RNF220: variants seen among roughly 807,000 people sequenced by gnomAD.
RNF220 encodes E3 ubiquitin-protein ligase RNF220.
In RNF220, 7 loss-of-function variants were observed where a neutral mutation model predicts 67.1. That is an observed-to-expected ratio of 0.10 (90% CI 0.06 to 0.20). The LOEUF (loss-of-function observed/expected upper bound fraction) is 0.20. RNF220 is among the 10% of genes least tolerant of loss of function. The pLI is 1.00. For missense variants in RNF220, 565 were observed against 740.3 expected, an observed-to-expected ratio of 0.76 and a Z score of 2.75; for synonymous variants, 270 against 283.2, an observed-to-expected ratio of 0.95 and a Z score of 0.47.
intron 2 of RNF220, among the ~76,000 whole-genome samples, chr1:44,558,275 A>G (rs1167476892): frequency 5.3e-5 from 8 of 152,198 alleles, no homozygotes; most frequent in Non-Finnish European, 1.0e-4. Context: ...GAGAATAGAG[A>G]ATAACATCTA....
chr1:44,620,912 C>CT (rs71036690), intron 3 of RNF220, among the ~76,000 whole-genome samples: 3,694 of 126,292 alleles, frequency 0.029, 167 homozygotes, highest in African/African-American at 0.085. Flanking sequence ...TGTTGTGAAT[C>CT]TTTTTTTTTT....
rs186489033 is a variant in RNF220 at position 44,414,209 on chromosome 1, G to A, written c.625+1487G>A. On this transcript the variant is annotated intron_variant, in intron 2 of 14. Transcript: ENST00000361799. ...TGGATATACCTGCTGAACAGGTATC[G>A]GCATTGTGTTGGTTCATTTGATTTT... Among the ~76,000 whole-genome samples, 38 of 152,262 alleles carry A rather than the reference G, an allele frequency of 2.5e-4. No individual in the cohort carries two copies. In the East Asian group the frequency reaches 5.8e-3, roughly 23 times the overall value.
intron 1 of RNF220, among the ~76,000 whole-genome samples, chr1:44,406,261 C>A (rs1445311993): frequency 6.6e-6 from 1 of 152,102 alleles, no homozygotes; most frequent in Admixed American, 6.5e-5. Context: ...ATGGATGGAT[C>A]CTCTGCGGGC....
intron 8 of RNF220, among the ~76,000 whole-genome samples, chr1:44,641,502 C>A (rs1006377264): frequency 1.3e-5 from 2 of 152,108 alleles, no homozygotes; most frequent in Admixed American, 6.5e-5. Flanking sequence ...GCCATCTTGC[C>A]TCTGAGTACT....
chr1:44,566,316 G>C (rs1283240208), intron 2 of RNF220, among the ~76,000 whole-genome samples: 1 of 152,200 alleles, frequency 6.6e-6, no homozygotes, highest in Non-Finnish European at 1.5e-5. Flanking sequence ...CAACAAGGAA[G>C]GGGGCTGAGG....
At chr1:44,469,662 T>TG (rs755821963) in intron 2 of RNF220, among the ~76,000 whole-genome samples, 2 of 152,182 alleles carry the variant, frequency 1.3e-5, no homozygotes. Flanking sequence ...AATGTAACAT[T>TG]GCAACTGTAG....
At chr1:44,566,566 T>C (rs905150634) in intron 2 of RNF220, among the ~76,000 whole-genome samples, 11 of 152,060 alleles carry the variant, frequency 7.2e-5, no homozygotes, top group Non-Finnish European at 1.6e-4. Context: ...AGAAATGACC[T>C]AGGATTGAAA....
At chr1:44,410,449 A>T (rs543748030) in intron 1 of RNF220, 1 of 152,346 alleles carries the variant, frequency 6.6e-6, no homozygotes, top group Admixed American at 6.5e-5. Context: ...AAGAGAGAAA[A>T]ATCCGTTAAT....
At chr1:44,580,822 C>T (rs1461903283) in intron 2 of RNF220, among the ~76,000 whole-genome samples, 2 of 152,210 alleles carry the variant, frequency 1.3e-5, no homozygotes, top group East Asian at 3.8e-4. Flanking sequence ...GTTGTGTGTC[C>T]CTCCTTCCCA....
intron 2 of RNF220, among the ~76,000 whole-genome samples, chr1:44,492,936 T>A (rs888320940): frequency 1.5e-4 from 23 of 151,364 alleles, no homozygotes; most frequent in Non-Finnish European, 2.7e-4. Flanking sequence ...TTTTTTTTTT[T>A]ATATATGGAT....
chr1:44,634,230 G>C (rs146655661), intron 6 of RNF220, among the ~76,000 whole-genome samples: 8 of 152,306 alleles, frequency 5.3e-5, no homozygotes, highest in Admixed American at 2.6e-4. Flanking sequence ...TGAAACAGGA[G>C]GGCATTCTAG....
chr1:44,596,644 A>G (rs61132118), intron 2 of RNF220, among the ~76,000 whole-genome samples: 5,250 of 152,240 alleles, frequency 0.034, 343 homozygotes, highest in African/African-American at 0.12. Flanking sequence ...AAAAAAATAA[A>G]TAAAGGAAAA....
intron 2 of RNF220, among the ~76,000 whole-genome samples, chr1:44,601,246 C>G (rs1161184680): frequency 6.6e-6 from 1 of 152,036 alleles, no homozygotes; most frequent in Non-Finnish European, 1.5e-5. Context: ...GGATGAAACT[C>G]AGGTTGCGAT....
intron 2 of RNF220, among the ~76,000 whole-genome samples, chr1:44,574,169 A>G (rs559755203): frequency 1.3e-5 from 2 of 152,334 alleles, no homozygotes; most frequent in South Asian, 4.1e-4. Context: ...GAATGAATGA[A>G]TAAATAAATA....
At chr1:44,507,753 G>A (rs982965320) in intron 2 of RNF220, among the ~76,000 whole-genome samples, 1 of 152,204 alleles carries the variant, frequency 6.6e-6, no homozygotes, top group Non-Finnish European at 1.5e-5. Flanking sequence ...CGGCTTGGGC[G>A]CTGGGCGGCT....
chr1:44,642,506 A>C (rs1420968083), intron 8 of RNF220, among the ~76,000 whole-genome samples: 1 of 152,076 alleles, frequency 6.6e-6, no homozygotes, highest in Non-Finnish European at 1.5e-5. Flanking sequence ...CAGGAGGGAG[A>C]AGGTTCTAGG....
chr1:44,416,173 T>A (rs1329543741), intron 2 of RNF220, among the ~76,000 whole-genome samples: 1 of 152,192 alleles, frequency 6.6e-6, no homozygotes, highest in Non-Finnish European at 1.5e-5. Context: ...AGAAGTGTTT[T>A]GTGAGAAGCC....
chr1:44,424,697 C>T (rs1488523213), intron 2 of RNF220, among the ~76,000 whole-genome samples: 1 of 152,220 alleles, frequency 6.6e-6, no homozygotes, highest in Non-Finnish European at 1.5e-5. Context: ...GGCTCCCCCT[C>T]TGCCACTGCT....
chr1:44,469,919 G>C (rs1292013273), intron 2 of RNF220, among the ~76,000 whole-genome samples: 1 of 152,218 alleles, frequency 6.6e-6, no homozygotes, highest in Non-Finnish European at 1.5e-5. Context: ...AGAGGAGTCT[G>C]ACATTAAGGA....
Sources: allele counts gnomAD v4.1 joint callset (sites outside exome capture counted in the v4.1 genomes callset), GRCh38; gene constraint gnomAD v4.1.1; transcripts MANE v1.5; gene names NCBI Gene and HGNC (gene_info 2026-07-23, HGNC 2026-07-21).